The following NXPE2 variants were observed in gnomAD, a reference collection of about 807,000 sequenced individuals.
NXPE2 encodes the protein neurexophilin and PC-esterase domain family member 2.
A neutral mutation model predicts 34.4 loss-of-function variants in NXPE2; 34 were observed. The ratio of observed to expected loss-of-function variants is 0.99; its 90% CI spans 0.75 to 1.31. The LOEUF is 1.31. Among genes scored for constraint, NXPE2 ranks in the 40% most tolerant of loss-of-function variants. The pLI is 0.00. For synonymous variants in NXPE2, 235 were observed against 231.3 expected (o/e 1.02, Z -0.15); for missense variants, 649 against 672.5 (o/e 0.97, Z 0.39).
chr11:114,515,080 T>C, the NXPE2 span, among the ~76,000 whole-genome samples: 7 of 152,044 alleles, frequency 4.6e-5, no homozygotes, highest in African/African-American at 1.7e-4. Context: ...CATAGTTTTG[T>C]TTTATTTTGT....
the NXPE2 span, among the ~76,000 whole-genome samples, chr11:114,773,484 C>T: frequency 6.6e-6 from 1 of 152,056 alleles, no homozygotes; most frequent in African/African-American, 2.4e-5. Flanking sequence ...CAATACTTGC[C>T]CCCCACTTCT....
At chr11:114,600,882 A>C in the NXPE2 span, among the ~76,000 whole-genome samples, 1 of 152,194 alleles carries the variant, frequency 6.6e-6, no homozygotes, top group East Asian at 1.9e-4. Flanking sequence ...AATGTATTAA[A>C]AGTAAAAAGA....
chr11:114,525,031 T>C, the NXPE2 span, among the ~76,000 whole-genome samples: 1 of 152,086 alleles, frequency 6.6e-6, no homozygotes, highest in Non-Finnish European at 1.5e-5. Context: ...CTTGGTGGTA[T>C]TGTACTTCAA....
chr11:114,571,223 C>A, the NXPE2 span: 2 of 1,613,940 alleles, frequency 1.2e-6, no homozygotes, highest in East Asian at 2.2e-5. Context: ...CATTGAGGGC[C>A]CTTCGGATAA....
At chr11:114,643,787 T>C in the NXPE2 span, among the ~76,000 whole-genome samples, 2 of 152,094 alleles carry the variant, frequency 1.3e-5, no homozygotes, top group East Asian at 3.9e-4. Flanking sequence ...TTTTTTTTAA[T>C]AATTCTGTGA....
At chr11:114,576,736 GT>G in the NXPE2 span, among the ~76,000 whole-genome samples, 1 of 151,938 alleles carries the variant, frequency 6.6e-6, no homozygotes, top group Non-Finnish European at 1.5e-5. Flanking sequence ...TACACTGTTG[GT>G]GGGAATGTAA....
the NXPE2 span, chr11:114,529,383 C>G: frequency 6.6e-6 from 1 of 152,200 alleles, no homozygotes. Context: ...CTCAAAGTAG[C>G]CCATGAAGGA....
chr11:114,520,679 A>G, the NXPE2 span, among the ~76,000 whole-genome samples: 2 of 152,190 alleles, frequency 1.3e-5, no homozygotes, highest in Non-Finnish European at 2.9e-5. Context: ...GGGAACTGCC[A>G]TACTGTTTTC....
At chr11:114,692,901 T>C (rs748299368) in intron 2 of NXPE2, among the ~76,000 whole-genome samples, 6 of 152,072 alleles carry the variant, frequency 3.9e-5, no homozygotes, top group Non-Finnish European at 8.8e-5. Context: ...ACTATCTACT[T>C]TCTACGCTGG....
the NXPE2 span, among the ~76,000 whole-genome samples, chr11:114,480,917 C>T: frequency 6.6e-6 from 1 of 152,082 alleles, no homozygotes; most frequent in Admixed American, 6.6e-5. Context: ...TGCTAGATTC[C>T]TTTGAGAAAT....
At chr11:114,643,195 A>G in the NXPE2 span, among the ~76,000 whole-genome samples, 3 of 152,004 alleles carry the variant, frequency 2.0e-5, no homozygotes, top group African/African-American at 7.2e-5. Context: ...ATTTTCTCCC[A>G]TTCTGTAGGT....
chr11:114,629,023 A>G, the NXPE2 span, among the ~76,000 whole-genome samples: 3 of 152,084 alleles, frequency 2.0e-5, no homozygotes, highest in Non-Finnish European at 2.9e-5. Flanking sequence ...AATTGTGGCA[A>G]TAATCAATAG....
At chr11:114,520,197 T>C in the NXPE2 span, among the ~76,000 whole-genome samples, 3 of 152,304 alleles carry the variant, frequency 2.0e-5, no homozygotes, top group South Asian at 6.2e-4. Flanking sequence ...TGCTGTACAT[T>C]AGCTCTCTAG....
the NXPE2 span, among the ~76,000 whole-genome samples, chr11:114,663,028 A>T: frequency 3.9e-5 from 6 of 152,252 alleles, no homozygotes; most frequent in East Asian, 9.7e-4. Flanking sequence ...TGTCTCTTAT[A>T]CGGCATTTCT....
At chr11:114,647,788 T>A in the NXPE2 span, among the ~76,000 whole-genome samples, 4 of 151,870 alleles carry the variant, frequency 2.6e-5, no homozygotes, top group Admixed American at 2.6e-4. Flanking sequence ...TGCAACCTCT[T>A]CCCCCTGGGT....
the NXPE2 span, among the ~76,000 whole-genome samples, chr11:114,624,639 A>G: frequency 6.6e-6 from 1 of 152,028 alleles, no homozygotes; most frequent in Non-Finnish European, 1.5e-5. Flanking sequence ...CCAGTGGATA[A>G]TAAGTATTGC....
chr11:114,504,021 A>G, the NXPE2 span, among the ~76,000 whole-genome samples: 1 of 152,204 alleles, frequency 6.6e-6, no homozygotes, highest in East Asian at 1.9e-4. Context: ...ACCAGTGGAA[A>G]GCTCCAGAGA....
chr11:114,693,721 T>G (rs1591436365), intron 2 of NXPE2, among the ~76,000 whole-genome samples: 1 of 152,328 alleles, frequency 6.6e-6, no homozygotes, highest in Admixed American at 6.5e-5. Context: ...GATTTAAAAC[T>G]ATTTAGAGAA....
the NXPE2 span, among the ~76,000 whole-genome samples, chr11:114,470,208 C>T: frequency 1.3e-5 from 2 of 151,964 alleles, no homozygotes; most frequent in East Asian, 3.9e-4. Flanking sequence ...TGGAAGAATA[C>T]CTACGAATGG....
Sources: gnomAD v4.1 joint callset for allele counts (sites outside exome capture counted in the v4.1 genomes callset) on GRCh38, gnomAD v4.1.1 for gene constraint, MANE v1.5 for transcripts, NCBI Gene and HGNC (gene_info 2026-07-23, HGNC 2026-07-21) for gene names.